The following ZNF385B variants were observed in gnomAD, a reference collection of about 807,000 sequenced individuals.
The protein encoded by ZNF385B is zinc finger protein 385B.
A neutral mutation model predicts 39.2 loss-of-function variants in ZNF385B; 23 were observed. The observed-to-expected ratio is 0.59, with a 90% confidence interval of 0.42 to 0.83. ZNF385B has a LOEUF of 0.83. Ranked by LOEUF, ZNF385B falls within the 40% of genes least tolerant of loss-of-function variation. ZNF385B has a pLI of 0.00. For missense variants in ZNF385B, 552 were observed against 598.9 expected (o/e 0.92, Z 0.82); for synonymous variants, 205 against 222.6 (o/e 0.92, Z 0.70).
chr2:179,584,813 C>T (rs72958001), intron 3 of ZNF385B, among the ~76,000 whole-genome samples: 26,521 of 152,062 alleles, frequency 0.17, 2,916 homozygotes, highest in South Asian at 0.29. Context: ...GAAGAATGAA[C>T]ACCACCTATA....
intron 1 of ZNF385B, among the ~76,000 whole-genome samples, chr2:179,817,609 G>A (rs1323589092): frequency 6.6e-6 from 1 of 152,106 alleles, no homozygotes; most frequent in Non-Finnish European, 1.5e-5. Flanking sequence ...CACCGGGGAA[G>A]AAAGCCAGAG....
rs144636414 is a variant in ZNF385B, at chr2:179,456,881, A to C, written c.716-10111T>G. Among the ~76,000 whole-genome samples, 1,034 of 152,296 alleles carry C rather than the reference A, an allele frequency of 6.8e-3. 14 individuals are homozygous for C. The highest frequency in any genetic ancestry group is 0.023 in the African/African-American group (944 of 41,570). On this transcript the variant is annotated intron_variant, in intron 6 of 9. Coordinates refer to ENST00000410066, the MANE Select transcript of ZNF385B (RefSeq NM_152520.6). ...ACACTATGAGATAGAAACTGTTACTATCTGTACTTTTAAACTTTTTTCTTT... is the reference window on the plus strand; with the variant it reads ...ACACTATGAGATAGAAACTGTTACTCTCTGTACTTTTAAACTTTTTTCTTT...
At chr2:179,688,755 G>A (rs1698126446) in intron 3 of ZNF385B, among the ~76,000 whole-genome samples, 1 of 152,076 alleles carries the variant, frequency 6.6e-6, no homozygotes, top group African/African-American at 2.4e-5. Context: ...TTGTACAATA[G>A]ATCTCTTGAA....
intron 3 of ZNF385B, among the ~76,000 whole-genome samples, chr2:179,763,787 T>G (rs974357943): frequency 6.6e-6 from 1 of 152,220 alleles, no homozygotes; most frequent in Non-Finnish European, 1.5e-5. Context: ...GTTGTTTTTC[T>G]ACTACTAATT....
chr2:179,667,390 A>G (rs1300467598), intron 3 of ZNF385B, among the ~76,000 whole-genome samples: 5 of 152,090 alleles, frequency 3.3e-5, no homozygotes, highest in Non-Finnish European at 7.4e-5. Flanking sequence ...ACCTGGAAAA[A>G]ACTTAGTCTC....
At position 179,443,287 on chromosome 2, in the gene ZNF385B, C is replaced by T. The variant is rs375494558; in HGVS notation, c.1424G>A (p.Arg475His). The T allele has an allele frequency of 6.2e-6, 10 of 1,612,522 alleles. No individual in the cohort carries two copies. Among genetic ancestry groups the T allele is most frequent in the East Asian group, 2.2e-5 (1 of 44,884 alleles). Residue 475 changes from arginine to histidine, a missense_variant, in exon 10 of 10, where the codon CGC (arginine) becomes CAC (histidine). Physicochemically the swap from Arg to His is conservative, Grantham distance 29. Transcript: ENST00000410066. ...ALLRPGHGPI[R>H]ATPASILFAP... ...AAAGAGGATGGAGGCAGGAGTGGCGCGGATGGGCCCATGCCCAGGCCTCAG... is the reference window on the plus strand; with the variant it reads ...AAAGAGGATGGAGGCAGGAGTGGCGTGGATGGGCCCATGCCCAGGCCTCAG...
chr2:179,562,775 A>T (rs1684076045), intron 3 of ZNF385B, among the ~76,000 whole-genome samples: 1 of 152,212 alleles, frequency 6.6e-6, no homozygotes, highest in South Asian at 2.1e-4. Flanking sequence ...ACTGACACCC[A>T]CATCTCCCTC....
chr2:179,588,530 T>C (rs1017808297), intron 3 of ZNF385B, among the ~76,000 whole-genome samples: 1 of 152,086 alleles, frequency 6.6e-6, no homozygotes, highest in African/African-American at 2.4e-5. Context: ...GGGGGTGGTA[T>C]TTGAGTTCTG....
At chr2:179,816,991 C>T (rs1559221427) in intron 1 of ZNF385B, among the ~76,000 whole-genome samples, 1 of 152,052 alleles carries the variant, frequency 6.6e-6, no homozygotes. Flanking sequence ...TGTTGCTTTC[C>T]AATCTTTTAC....
At chr2:179,450,841 G>T (rs1288139105) in intron 6 of ZNF385B, among the ~76,000 whole-genome samples, 1 of 152,054 alleles carries the variant, frequency 6.6e-6, no homozygotes, top group Non-Finnish European at 1.5e-5. Flanking sequence ...CAAAGACTTG[G>T]AACCAACCTA....
chr2:179,482,347 C>T (rs2105590910), intron 6 of ZNF385B, among the ~76,000 whole-genome samples: 1 of 152,250 alleles, frequency 6.6e-6, no homozygotes, highest in East Asian at 1.9e-4. Flanking sequence ...AAGAGAACAT[C>T]AAACATAAGA....
intron 5 of ZNF385B, among the ~76,000 whole-genome samples, chr2:179,508,948 C>CTTTTTTT (rs370767751): frequency 7.2e-6 from 1 of 138,812 alleles, no homozygotes; most frequent in Non-Finnish European, 1.6e-5. Context: ...ATCATAATCA[C>CTTTTTTT]TTTTTTTTTT....
intron 3 of ZNF385B, among the ~76,000 whole-genome samples, chr2:179,583,058 C>A (rs1234819150): frequency 4.6e-5 from 7 of 152,122 alleles, no homozygotes; most frequent in Non-Finnish European, 1.0e-4. Flanking sequence ...CCATGTTGGT[C>A]AGGCTGGTCT....
chr2:179,468,368 C>G (rs928056562), intron 6 of ZNF385B, among the ~76,000 whole-genome samples: 1 of 152,172 alleles, frequency 6.6e-6, no homozygotes, highest in Non-Finnish European at 1.5e-5. Flanking sequence ...TTCAACTTCT[C>G]CGGGTTGAAA....
chr2:179,493,760 T>C (rs535400737), intron 5 of ZNF385B, among the ~76,000 whole-genome samples: 13 of 88,972 alleles, frequency 1.5e-4, no homozygotes, highest in Non-Finnish European at 2.6e-4. Context: ...TATATACATA[T>C]ATGTATACAT....
At position 179,548,494 on chromosome 2, in the gene ZNF385B, T is replaced by C. The variant is rs1450660501; in HGVS notation, c.299-3525A>G. On this transcript the variant is annotated intron_variant, in intron 3 of 9. Coordinates refer to ENST00000410066, the MANE Select transcript of ZNF385B (RefSeq NM_152520.6). ...CAGACAATTCATCTGAATTGTAGAATTCAATTATTTTTAGCATATTAACAG... is the reference window on the plus strand; with the variant it reads ...CAGACAATTCATCTGAATTGTAGAACTCAATTATTTTTAGCATATTAACAG... Among the ~76,000 whole-genome samples the C allele has an allele frequency of 1.3e-5, 2 of 149,748 alleles. 1 individual carries two copies. The highest frequency in any genetic ancestry group is 3.0e-5 in the Non-Finnish European group (2 of 67,728).
At chr2:179,749,587 G>C (rs1000718063) in intron 3 of ZNF385B, among the ~76,000 whole-genome samples, 1 of 152,090 alleles carries the variant, frequency 6.6e-6, no homozygotes, top group African/African-American at 2.4e-5. Flanking sequence ...TGTGAAGAAA[G>C]CTGGTCAGTC....
chr2:179,635,571 C>A (rs1691683893), intron 3 of ZNF385B, among the ~76,000 whole-genome samples: 1 of 151,612 alleles, frequency 6.6e-6, no homozygotes, highest in Non-Finnish European at 1.5e-5. Context: ...ATCCCAAATA[C>A]AAAATTAGGC....
intron 3 of ZNF385B, among the ~76,000 whole-genome samples, chr2:179,578,572 C>T (rs1256080766): frequency 6.6e-6 from 1 of 152,012 alleles, no homozygotes; most frequent in East Asian, 1.9e-4. Context: ...TTCATAGTTG[C>T]CTTGCCCAGA....
Sources: gnomAD v4.1 joint callset for allele counts (sites outside exome capture counted in the v4.1 genomes callset) on GRCh38, gnomAD v4.1.1 for gene constraint, MANE v1.5 for transcripts, NCBI Gene and HGNC (gene_info 2026-07-23, HGNC 2026-07-21) for gene names.